The following TAF4 variants were observed in gnomAD, a reference collection of about 807,000 sequenced individuals.
The protein encoded by TAF4 is TATA-box binding protein associated factor 4.
Under a neutral mutation model 90.3 loss-of-function variants are expected in TAF4, and 9 were observed. The ratio of observed to expected loss-of-function variants is 0.10; its 90% CI spans 0.06 to 0.17. The LOEUF (loss-of-function observed/expected upper bound fraction) is 0.17. TAF4 is among the 10% of genes least tolerant of loss of function. The pLI is 1.00. For missense variants in TAF4, 1,351 were observed against 1,370.7 expected, an observed-to-expected ratio of 0.99 and a Z score of 0.23; for synonymous variants, 818 against 638.9, an observed-to-expected ratio of 1.28 and a Z score of -4.23.
chr20:62,038,678 C>T (rs984825666), intron 1 of TAF4, among the ~76,000 whole-genome samples: 3 of 152,120 alleles, frequency 2.0e-5, no homozygotes, highest in African/African-American at 7.2e-5. Flanking sequence ...ACAACACGTT[C>T]GTGAATCAGA....
chr20:61,975,978 T>C lies in TAF4; in HGVS notation c.*190A>G, dbSNP rs2055491735. 1 of 614,292 alleles carries C rather than the reference T, an allele frequency of 1.6e-6. No homozygotes were observed. The highest frequency in any genetic ancestry group is 2.2e-5 in the South Asian group (1 of 45,372). The allele number at this position is 614,292 out of a possible 1,614,324, so 38.1% of individuals were successfully genotyped here. On this transcript the variant is annotated 3_prime_UTR_variant, in exon 15 of 15. Coordinates refer to ENST00000252996, the MANE Select transcript of TAF4 (RefSeq NM_003185.4). ...AAGATTTAATTGTCCTTTAAGAGTA[T>C]CCACAGGCCTTTGTGTTCTCTCTGT...
intron 1 of TAF4, among the ~76,000 whole-genome samples, chr20:62,038,443 G>A (rs1278560380): frequency 1.3e-5 from 2 of 152,024 alleles, no homozygotes; most frequent in Non-Finnish European, 2.9e-5. Flanking sequence ...TTACAGGTAT[G>A]AGCCACTGAG....
In TAF4 at chr20:62,006,829, GA is replaced by G; in HGVS notation, c.1975-72del. On this transcript the variant is annotated intron_variant, in intron 6 of 14. Transcript: ENST00000252996. This position sits in a 1 kb window ranked among gnomAD's most constrained non-coding sequence, Gnocchi z 7.0. ...TCGGTTTTCCTTGCTTAAAAATTCA[GA>G]AATATCAACTTTTACAGAAAGCTTT... 7.1e-7 allele frequency: 1 copy of G among 1,417,876 alleles called. No individual in the cohort carries two copies. Among genetic ancestry groups the G allele is most frequent in the Non-Finnish European group, 9.3e-7 (1 of 1,076,032 alleles). The allele number at this position is 1,417,876 out of a possible 1,614,324, so 87.8% of individuals were successfully genotyped here.
At chr20:61,980,429 G>C (rs3787423) in intron 14 of TAF4, 1 of 152,090 alleles carries the variant, frequency 6.6e-6, no homozygotes, top group Admixed American at 6.5e-5. Context: ...GGAGAATGCT[G>C]TGCCCACAGC....
intron 1 of TAF4, among the ~76,000 whole-genome samples, chr20:62,048,470 C>A (rs117353631): frequency 1.3e-5 from 2 of 152,192 alleles, no homozygotes; most frequent in East Asian, 3.9e-4. Flanking sequence ...TCCCTCCTGT[C>A]CCCAGGGTGG....
intron 1 of TAF4, among the ~76,000 whole-genome samples, chr20:62,056,820 A>C (rs189583283): frequency 6.6e-6 from 1 of 152,312 alleles, no homozygotes; most frequent in East Asian, 1.9e-4. Flanking sequence ...AACTAATTTT[A>C]TCATCAAAAA....
intron 14 of TAF4, among the ~76,000 whole-genome samples, chr20:61,983,146 G>A (rs567896773): frequency 2.0e-5 from 3 of 152,256 alleles, no homozygotes; most frequent in East Asian, 3.9e-4. Context: ...GCTCACAGAC[G>A]CCGATGGCCA....
intron 1 of TAF4, among the ~76,000 whole-genome samples, chr20:62,033,874 C>A (rs1253652114): frequency 6.6e-6 from 1 of 151,980 alleles, no homozygotes; most frequent in Non-Finnish European, 1.5e-5. Context: ...AACCCCTTCT[C>A]TACTAAAAAT....
chr20:62,009,547 C>T lies in TAF4; in HGVS notation c.1762-373G>A, dbSNP rs990262775. On this transcript the variant is annotated intron_variant, in intron 4 of 14. Coordinates refer to ENST00000252996, the MANE Select transcript of TAF4 (RefSeq NM_003185.4). The stretch of plus-strand genomic sequence containing the variant: ...AAATAGGATGCGGTCACTAAAGCAA[C>T]GAAAAGTACGCAGCAAAGAAACACC... Among the ~76,000 whole-genome samples the T allele has an allele frequency of 4.6e-5, 7 of 152,328 alleles. No individual in the cohort carries two copies. The East Asian group carries it at 9.6e-4, about 21-fold the overall frequency.
At chr20:62,014,479 C>T in intron 2 of TAF4, 68 bp downstream of exon 2, 2 of 1,494,362 alleles carry the variant, frequency 1.3e-6, no homozygotes, top group Non-Finnish European at 1.8e-6. Context: ...TGCAGGTTTC[C>T]CCAGCATGCG....
chr20:62,020,466 T>C (rs1278047426), intron 1 of TAF4, among the ~76,000 whole-genome samples: 1 of 152,246 alleles, frequency 6.6e-6, no homozygotes, highest in Admixed American at 6.5e-5. Context: ...CTGCTGGTTT[T>C]CCTTATCTTC....
intron 3 of TAF4, 97 bp downstream of exon 3, chr20:62,012,716 TAA>T (rs60638506): frequency 8.8e-4 from 980 of 1,107,830 alleles, no homozygotes; most frequent in South Asian, 1.8e-3. Context: ...GTATCCAGTT[TAA>T]AAAAAAAAAA....
intron 1 of TAF4, among the ~76,000 whole-genome samples, chr20:62,019,101 G>A (rs2055828460): frequency 6.6e-6 from 1 of 152,180 alleles, no homozygotes; most frequent in Non-Finnish European, 1.5e-5. Flanking sequence ...CCAGCTAACA[G>A]AACCGCACTG....
chr20:62,038,252 C>T (rs2055944972), intron 1 of TAF4, among the ~76,000 whole-genome samples: 1 of 151,992 alleles, frequency 6.6e-6, no homozygotes, highest in Non-Finnish European at 1.5e-5. Context: ...TGGTGTCGAT[C>T]TCCTGACCTC....
intron 1 of TAF4, among the ~76,000 whole-genome samples, chr20:62,026,070 CAAA>C (rs1046665516): frequency 8.5e-5 from 13 of 152,174 alleles, no homozygotes; most frequent in Non-Finnish European, 1.5e-4. Flanking sequence ...ACCCTCCCGG[CAAA>C]AAATAACGGA....
intron 2 of TAF4, 36 bp downstream of exon 2, chr20:62,014,511 G>A (rs543460782): frequency 1.9e-6 from 3 of 1,564,092 alleles, no homozygotes; most frequent in Admixed American, 2.0e-5. Context: ...GCTGGGCAGG[G>A]AAGGGGTTCG....
At chr20:62,046,067 T>G (rs1394339425) in intron 1 of TAF4, among the ~76,000 whole-genome samples, 1 of 152,178 alleles carries the variant, frequency 6.6e-6, no homozygotes, top group Non-Finnish European at 1.5e-5. Context: ...CGCTCTGCGG[T>G]GCCCCCGTGC....
chr20:62,065,567 C>T lies in TAF4; in HGVS notation c.244G>A (p.Ala82Thr). Residue 82 changes from alanine to threonine, a missense_variant, in exon 1 of 15, where the codon GCG becomes ACG. Coordinates refer to ENST00000252996, the MANE Select transcript of TAF4 (RefSeq NM_003185.4). ...GGCGGCTCCGGCGCCGCTCCGGGCG[C>T]GCCCTCGGCGGGGGCGGCCGGCCCT... ...GAGPAAPAEG[A>T]PGAAPEPPPA... The T allele has an allele frequency of 1.0e-6, 1 of 976,866 alleles. No individual in the cohort carries two copies. Among genetic ancestry groups the T allele is most frequent in the Non-Finnish European group, 1.2e-6 (1 of 826,856 alleles). 60.5% of individuals were successfully genotyped at this position (976,866 alleles called of 1,614,324 possible).
chr20:62,029,251 G>C (rs2055890662), intron 1 of TAF4, among the ~76,000 whole-genome samples: 1 of 151,932 alleles, frequency 6.6e-6, no homozygotes. Flanking sequence ...GTACATAGCT[G>C]TTTGTTGTAC....
Sources: allele counts gnomAD v4.1 joint callset (sites outside exome capture counted in the v4.1 genomes callset), GRCh38; gene constraint gnomAD v4.1.1; non-coding constraint Gnocchi (gnomAD v3.1); transcripts MANE v1.5; gene names NCBI Gene and HGNC (gene_info 2026-07-23, HGNC 2026-07-21).